PCDHA13: variants seen among roughly 807,000 people sequenced by gnomAD.
The protein encoded by PCDHA13 is protocadherin alpha 13.
Under a neutral mutation model 64.8 loss-of-function variants are expected in PCDHA13, and 54 were observed. The observed-to-expected ratio is 0.83, with a 90% CI of 0.67 to 1.04. The LOEUF (loss-of-function observed/expected upper bound fraction) is 1.04. Ranked by LOEUF, PCDHA13 falls within the 50% of genes least tolerant of loss-of-function variation. The probability of loss-of-function intolerance (pLI) is 0.00; values close to 1 mark genes in which losing one functional copy is unlikely to be tolerated. For synonymous variants in PCDHA13, 587 were observed against 564.4 expected, an observed-to-expected ratio of 1.04 and a Z score of -0.57; for missense variants, 1,248 against 1,254.3, an observed-to-expected ratio of 0.99 and a Z score of 0.08.
chr5:140,922,564 A>G (rs556829032), intron 1 of PCDHA13, among the ~76,000 whole-genome samples: 1 of 152,358 alleles, frequency 6.6e-6, no homozygotes, highest in South Asian at 2.1e-4. Context: ...AGTCAGGATG[A>G]CAAGTTGCCC....
chr5:140,964,238 T>G (rs1354844619), intron 1 of PCDHA13, among the ~76,000 whole-genome samples: 1 of 152,208 alleles, frequency 6.6e-6, no homozygotes, highest in Admixed American at 6.5e-5. Flanking sequence ...AGGCTGATTG[T>G]GTTGGCTTTA....
In PCDHA13 at chr5:140,883,230, A is replaced by T. The variant is rs1554177225; in HGVS notation, c.962A>T (p.Glu321Val). ...EEKKLYEISV[E>V]AVDKGNIPMA... is the part of the protein sequence containing the mutation. The stretch of plus-strand genomic sequence containing the variant: ...AAGAAATTATATGAAATATCCGTGG[A>T]GGCAGTTGACAAAGGAAATATTCCA... The change falls in exon 1 of 4, where the codon GAG becomes GTG. Residue 321 changes from glutamate (E) to valine (V), a missense_variant. Coordinates refer to ENST00000289272, the MANE Select transcript of PCDHA13 (RefSeq NM_018904.3). The T allele has an allele frequency of 6.2e-7, 1 of 1,614,082 alleles. No homozygotes were observed. The highest frequency in any genetic ancestry group is 1.3e-5 in the African/African-American group (1 of 75,014).
chr5:140,978,967 G>C lies in PCDHA13; in HGVS notation c.2413G>C (p.Asp805His), dbSNP rs782109224. 1.9e-6 allele frequency: 3 copies of C among 1,614,038 alleles called. No homozygotes were observed. The highest frequency in any genetic ancestry group is 1.1e-5 in the South Asian group (1 of 91,066). The stretch of plus-strand genomic sequence containing the variant: ...TTTGCAGCCACGACAGCCCAACCCT[G>C]ACTGGCGTTACTCTGCCTCCCTGAG... ...CLKEPRQPNPDWRYSASLRAG... is the reference protein window; with the variant it reads ...CLKEPRQPNPHWRYSASLRAG... The change falls in exon 2 of 4, where the codon GAC (aspartate) becomes CAC (histidine). Residue 805 changes from aspartate to histidine, a missense_variant. Asp to His is a moderately conservative substitution (Grantham distance 81). Coordinates refer to ENST00000289272, the MANE Select transcript of PCDHA13 (RefSeq NM_018904.3).
At chr5:141,005,826 A>T (rs1283643370) in intron 3 of PCDHA13, among the ~76,000 whole-genome samples, 4 of 151,340 alleles carry the variant, frequency 2.6e-5, no homozygotes, top group Admixed American at 6.6e-5. Flanking sequence ...GGTGGCCTGT[A>T]GTCCCAGCCA....
chr5:140,977,163 AATG>A (rs1554238313), intron 1 of PCDHA13, among the ~76,000 whole-genome samples: 2 of 152,198 alleles, frequency 1.3e-5, no homozygotes, highest in Non-Finnish European at 2.9e-5. Flanking sequence ...CTTTCAGCAA[AATG>A]AGTTTGATGA....
chr5:140,946,165 G>C (rs1554217364), intron 1 of PCDHA13, among the ~76,000 whole-genome samples: 1 of 151,838 alleles, frequency 6.6e-6, no homozygotes, highest in Non-Finnish European at 1.5e-5. Context: ...TTAAAAGATG[G>C]GTAAAGGATG....
chr5:140,888,789 G>A (rs536846098), intron 1 of PCDHA13, among the ~76,000 whole-genome samples: 1 of 152,066 alleles, frequency 6.6e-6, no homozygotes, highest in Admixed American at 6.5e-5. Flanking sequence ...AGCCTGATCT[G>A]GGGAGGTTGA....
intron 1 of PCDHA13, among the ~76,000 whole-genome samples, chr5:140,924,901 AAAAATAAAATAAAAT>A (rs10667761): frequency 2.0e-3 from 158 of 80,494 alleles, no homozygotes; most frequent in African/African-American, 5.2e-3. Context: ...TCTCAAAAAA[AAAAATAAAATAAAAT>A]AAAATAAAAT....
intron 3 of PCDHA13, among the ~76,000 whole-genome samples, chr5:140,992,085 TAGAGAA>T (rs1253503619): frequency 1.4e-5 from 2 of 146,836 alleles, no homozygotes; most frequent in Non-Finnish European, 3.0e-5. Flanking sequence ...TGAGCTAGAG[TAGAGAA>T]AGAGAATTAA....
At chr5:140,985,128 G>A (rs908196925) in intron 3 of PCDHA13, among the ~76,000 whole-genome samples, 3 of 152,056 alleles carry the variant, frequency 2.0e-5, no homozygotes, top group Admixed American at 6.6e-5. Flanking sequence ...TAGTAAAGAC[G>A]GGGTTTCACC....
chr5:140,992,017 CTGTGTGTGTGTGTGTG>C (rs10602499), intron 3 of PCDHA13, among the ~76,000 whole-genome samples: 31 of 145,626 alleles, frequency 2.1e-4, no homozygotes, highest in East Asian at 1.4e-3. Flanking sequence ...AGAGGTGGCT[CTGTGTGTGTGTGTGTG>C]TGTGTGTGTG....
At position 140,884,466 on chromosome 5, in the gene PCDHA13, C is replaced by G. The variant is rs1212644572; in HGVS notation, c.2198C>G (p.Ala733Gly). ...GCACCGCCCACCGAGGGCGCGTGCGCGCCGGGCAAGCCCACTCTAGTGTGC... is the reference window on the plus strand; with the variant it reads ...GCACCGCCCACCGAGGGCGCGTGCGGGCCGGGCAAGCCCACTCTAGTGTGC... ...CSAPPTEGAC[A>G]PGKPTLVCSS... Residue 733 changes from alanine to glycine, a missense_variant, in exon 1 of 4, where the codon GCG becomes GGG. Transcript: ENST00000289272. The G allele has an allele frequency of 2.5e-6, 4 of 1,613,646 alleles. No individual in the cohort carries two copies. Among genetic ancestry groups the G allele is most frequent in the Non-Finnish European group, 3.4e-6 (4 of 1,179,830 alleles).
chr5:140,986,073 G>A (rs1428668406), intron 3 of PCDHA13, among the ~76,000 whole-genome samples: 1 of 152,176 alleles, frequency 6.6e-6, no homozygotes, highest in East Asian at 1.9e-4. Context: ...TAAAGAAACT[G>A]TTCATTTATT....
chr5:141,000,392 T>TATAA (rs2097913276), intron 3 of PCDHA13, among the ~76,000 whole-genome samples: 1 of 62,986 alleles, frequency 1.6e-5, no homozygotes, highest in African/African-American at 7.3e-5. Context: ...TCTCTCTCTC[T>TATAA]CTCTATATAT....
chr5:140,977,245 AC>A (rs2096751811), intron 1 of PCDHA13, among the ~76,000 whole-genome samples: 1 of 152,212 alleles, frequency 6.6e-6, no homozygotes, highest in Non-Finnish European at 1.5e-5. Context: ...AAAATTGGCA[AC>A]ATTTCTCAGC....
chr5:141,004,486 C>CT (rs2098167953), intron 3 of PCDHA13, among the ~76,000 whole-genome samples: 2 of 152,200 alleles, frequency 1.3e-5, no homozygotes, highest in South Asian at 4.1e-4. Flanking sequence ...TGGATTAACT[C>CT]TTGGCAGTCC....
intron 2 of PCDHA13, among the ~76,000 whole-genome samples, chr5:140,981,838 C>T (rs916108739): frequency 3.9e-5 from 6 of 152,086 alleles, no homozygotes; most frequent in Admixed American, 6.6e-5. Context: ...AAAGGTCTCC[C>T]AGTTTGTATC....
rs782792864 is a variant in PCDHA13 at position 140,882,558 on chromosome 5, G to T, written c.290G>T (p.Gly97Val). ...CGGATCGACCGCGAGGAGCTGTGTG[G>T]GCGGAGCGCGGAGTGCAGCATCCAC... ...NSRIDREELC[G>V]RSAECSIHLE... The change falls in exon 1 of 4, where the codon GGG (glycine) becomes GTG (valine). Residue 97 changes from glycine to valine, a missense_variant. Physicochemically the swap from Gly to Val is moderately radical, Grantham distance 109 (BLOSUM62 -3). Coordinates refer to ENST00000289272, the MANE Select transcript of PCDHA13 (RefSeq NM_018904.3). The T allele has an allele frequency of 9.9e-6, 16 of 1,614,130 alleles. No homozygotes were observed. The highest frequency in any genetic ancestry group is 1.1e-5 in the Non-Finnish European group (13 of 1,180,054).
At chr5:140,902,677 G>A (rs1457054226) in intron 1 of PCDHA13, among the ~76,000 whole-genome samples, 6 of 151,960 alleles carry the variant, frequency 3.9e-5, no homozygotes, top group Non-Finnish European at 5.9e-5. Flanking sequence ...AGTGTACACC[G>A]TACCTAATAT....
Sources: allele counts gnomAD v4.1 joint callset (sites outside exome capture counted in the v4.1 genomes callset), GRCh38; gene constraint gnomAD v4.1.1; transcripts MANE v1.5; gene names NCBI Gene and HGNC (gene_info 2026-07-23, HGNC 2026-07-21).